Variants in LCORL observed in about 807,000 individuals in gnomAD.
LCORL encodes the protein ligand dependent nuclear receptor corepressor like.
In LCORL, 41 loss-of-function variants were observed where a neutral mutation model predicts 141.8. That is an observed-to-expected ratio of 0.29 (90% CI 0.23 to 0.38). The LOEUF is 0.38. Among genes scored for constraint, LCORL ranks in the 10% least tolerant of loss-of-function variants. The pLI is 1.00. For synonymous variants in LCORL, 618 were observed against 694.1 expected, an observed-to-expected ratio of 0.89 and a Z score of 1.72; for missense variants, 1,759 against 2,035.0, an observed-to-expected ratio of 0.86 and a Z score of 2.61.
intron 7 of LCORL, among the ~76,000 whole-genome samples, chr4:17,860,205 AC>A (rs1185606673): frequency 6.6e-6 from 1 of 152,198 alleles, no homozygotes; most frequent in Non-Finnish European, 1.5e-5. Context: ...CTGACTTCGA[AC>A]TATACTACGA....
intron 1 of LCORL, among the ~76,000 whole-genome samples, chr4:17,996,331 G>A (rs1470661909): frequency 1.3e-5 from 2 of 151,924 alleles, no homozygotes; most frequent in South Asian, 2.1e-4. Context: ...AGAAATGAAA[G>A]GACAAAATCT....
chr4:17,991,544 A>C (rs1189602387), intron 1 of LCORL, among the ~76,000 whole-genome samples: 1 of 152,202 alleles, frequency 6.6e-6, no homozygotes, highest in African/African-American at 2.4e-5. Flanking sequence ...TGGGAAATCT[A>C]TTATTTCCCT....
intron 4 of LCORL, among the ~76,000 whole-genome samples, chr4:17,931,874 A>G (rs1239098546): frequency 3.3e-5 from 5 of 152,142 alleles, no homozygotes; most frequent in East Asian, 1.9e-4. Flanking sequence ...TTCACTTCAC[A>G]TATCTTGGAC....
chr4:18,021,704 GGCA>G lies in LCORL; in HGVS notation c.45_47del (p.Ala22del), dbSNP rs933865313. 3 of 1,525,132 alleles carry G rather than the reference GGCA, an allele frequency of 2.0e-6. No individual in the cohort carries two copies. The highest frequency in any genetic ancestry group is 1.2e-5 in the South Asian group (1 of 81,388). 94.5% of individuals were successfully genotyped at this position (1,525,132 alleles called of 1,614,324 possible). A position where few individuals can be genotyped will look rare whatever the true frequency, so the allele number is the denominator to read the frequency against. ...GGCACTGAGCGGCGGCGGCGGCGGC[GGCA>G]GCAGCGGCGGCGGCAGCGGCCATTC... On this transcript the variant is annotated inframe_deletion, in exon 1 of 8. Transcript: ENST00000635767. This position sits in a 1 kb window ranked among gnomAD's most constrained non-coding sequence, Gnocchi z 5.5.
intron 1 of LCORL, among the ~76,000 whole-genome samples, chr4:17,979,447 G>C (rs1717595599): frequency 6.6e-6 from 1 of 152,058 alleles, no homozygotes; most frequent in Non-Finnish European, 1.5e-5. Flanking sequence ...ATTTATACAA[G>C]CTTTATTCTG....
At chr4:17,965,798 C>T (rs1714748629) in intron 2 of LCORL, among the ~76,000 whole-genome samples, 1 of 152,070 alleles carries the variant, frequency 6.6e-6, no homozygotes, top group African/African-American at 2.4e-5. Context: ...AAAATTAAAG[C>T]ATGTGTGAAA....
chr4:17,908,985 G>T, intron 5 of LCORL, 109 bp downstream of exon 5: 1 of 1,009,676 alleles, frequency 9.9e-7, no homozygotes, highest in Non-Finnish European at 1.4e-6. Flanking sequence ...CAAATTAAAA[G>T]TCATATTACA....
At chr4:17,888,811 C>G (rs912349451) in intron 5 of LCORL, among the ~76,000 whole-genome samples, 1 of 152,060 alleles carries the variant, frequency 6.6e-6, no homozygotes, top group Non-Finnish European at 1.5e-5. Flanking sequence ...TAAAATTTTA[C>G]TACTTTAAGA....
chr4:17,961,995 G>A (rs1489445388), exon 4 of LCORL: 1 of 1,607,918 alleles, frequency 6.2e-7, no homozygotes, highest in Admixed American at 1.7e-5. Flanking sequence ...CTCCTCTGTT[G>A]GTGTTGACTG....
intron 5 of LCORL, among the ~76,000 whole-genome samples, chr4:17,900,800 T>C (rs1050030090): frequency 6.6e-6 from 1 of 152,012 alleles, no homozygotes; most frequent in African/African-American, 2.4e-5. Flanking sequence ...AATAAGAAGA[T>C]CCAAAATATG....
intron 6 of LCORL, chr4:17,881,400 TAACTC>T (rs1460367113): frequency 3.8e-5 from 37 of 965,908 alleles, no homozygotes; most frequent in Admixed American, 6.2e-5. Flanking sequence ...AATCAAATGT[TAACTC>T]AATAATAGAA....
intron 4 of LCORL, among the ~76,000 whole-genome samples, chr4:17,917,333 C>A (rs1285742083): frequency 6.6e-6 from 1 of 152,164 alleles, no homozygotes; most frequent in Non-Finnish European, 1.5e-5. Context: ...GCTGGGATCA[C>A]AGGGGCCTGC....
chr4:17,976,511 T>C (rs1302122985), intron 1 of LCORL, among the ~76,000 whole-genome samples: 1 of 152,202 alleles, frequency 6.6e-6, no homozygotes, highest in African/African-American at 2.4e-5. Flanking sequence ...TACCACTTAG[T>C]ATGTAATGTA....
chr4:17,964,249 T>C (rs188510445), intron 2 of LCORL, among the ~76,000 whole-genome samples: 3 of 152,188 alleles, frequency 2.0e-5, no homozygotes, highest in South Asian at 4.1e-4. Context: ...AGATTTGAAG[T>C]TTCTGAAAAT....
At chr4:17,931,362 T>C (rs890098247) in intron 4 of LCORL, among the ~76,000 whole-genome samples, 5 of 152,118 alleles carry the variant, frequency 3.3e-5, no homozygotes, top group Admixed American at 3.3e-4. Context: ...CCTTCCTTGT[T>C]CTTTATTCGG....
At chr4:17,843,552 C>T in exon 8 of LCORL, 2 of 1,066,746 alleles carry the variant, frequency 1.9e-6, no homozygotes, top group Admixed American at 4.7e-5. Flanking sequence ...TGTGCGCTTC[C>T]ACGTTACTTT....
intron 1 of LCORL, among the ~76,000 whole-genome samples, chr4:18,007,271 T>C (rs1387118742): frequency 1.3e-5 from 2 of 152,180 alleles, no homozygotes; most frequent in East Asian, 3.8e-4. Flanking sequence ...TATAAGACAG[T>C]TATGAAAATC....
chr4:17,857,290 GAGAC>G (rs1379887983), intron 7 of LCORL, among the ~76,000 whole-genome samples: 3 of 152,076 alleles, frequency 2.0e-5, no homozygotes, highest in South Asian at 4.2e-4. Context: ...GAGAGAGAAG[GAGAC>G]AGACAGATCT....
exon 7 of LCORL, chr4:17,874,322 A>G: frequency 8.1e-7 from 1 of 1,233,944 alleles, no homozygotes; most frequent in Non-Finnish European, 1.0e-6. Flanking sequence ...CAAATTTTTT[A>G]AAGTGCTTTC....
Sources: gnomAD v4.1 joint callset for allele counts (sites outside exome capture counted in the v4.1 genomes callset) on GRCh38, gnomAD v4.1.1 for gene constraint, Gnocchi (gnomAD v3.1) non-coding constraint, MANE v1.5 for transcripts, NCBI Gene and HGNC (gene_info 2026-07-23, HGNC 2026-07-21) for gene names.